Variants in PARD3 observed in about 807,000 individuals in gnomAD.
The protein encoded by PARD3 is par-3 family cell polarity regulator, also known as partitioning defective 3 homolog.
In PARD3, 75 loss-of-function variants were observed where a neutral mutation model predicts 155.4. The ratio of observed to expected loss-of-function variants is 0.48; its 90% CI spans 0.40 to 0.58. The LOEUF is 0.58. PARD3 is among the 20% of genes least tolerant of loss of function. PARD3 has a pLI of 0.00. For missense variants in PARD3, 1,642 were observed against 1,721.7 expected (o/e 0.95, Z 0.82); for synonymous variants, 576 against 610.5 (o/e 0.94, Z 0.83).
chr10:34,127,195 AT>A (rs1234571816), intron 23 of PARD3, among the ~76,000 whole-genome samples: 1 of 152,254 alleles, frequency 6.6e-6, no homozygotes, highest in African/African-American at 2.4e-5. Context: ...AAACATCTAG[AT>A]ACTAAGACGT....
intron 2 of PARD3, among the ~76,000 whole-genome samples, chr10:34,573,726 AACAAACAAAAACACACACACAC>A (rs1163373245): frequency 1.0e-5 from 1 of 97,660 alleles, no homozygotes; most frequent in African/African-American, 5.3e-5. Flanking sequence ...CAAACAAACA[AACAAACAAAAACACACACACAC>A]ACACACACAC....
chr10:34,473,750 G>C (rs1318113386), intron 3 of PARD3, among the ~76,000 whole-genome samples: 1 of 152,060 alleles, frequency 6.6e-6, no homozygotes, highest in Non-Finnish European at 1.5e-5. Context: ...CTGTTTCCGT[G>C]GTAATAACCT....
intron 5 of PARD3, among the ~76,000 whole-genome samples, chr10:34,408,680 T>C (rs893334859): frequency 3.9e-5 from 6 of 152,156 alleles, no homozygotes; most frequent in Middle Eastern, 6.8e-3. Context: ...AGAGAGGGGC[T>C]TCACAATACA....
chr10:34,788,165 C>G (rs1406847770), intron 1 of PARD3, among the ~76,000 whole-genome samples: 1 of 152,082 alleles, frequency 6.6e-6, no homozygotes, highest in Non-Finnish European at 1.5e-5. Context: ...AGGAAGTTAT[C>G]TAGACATCAG....
chr10:34,253,971 G>A (rs1405303845), intron 22 of PARD3, among the ~76,000 whole-genome samples: 2 of 152,166 alleles, frequency 1.3e-5, no homozygotes, highest in Non-Finnish European at 2.9e-5. Context: ...AAGTTACTCG[G>A]TGGGTACAGC....
At chr10:34,369,242 A>G (rs1840320178) in intron 12 of PARD3, among the ~76,000 whole-genome samples, 1 of 152,128 alleles carries the variant, frequency 6.6e-6, no homozygotes, top group Non-Finnish European at 1.5e-5. Context: ...ATGGCTTTGA[A>G]TGTGGCCCAA....
intron 12 of PARD3, among the ~76,000 whole-genome samples, chr10:34,362,649 A>T (rs1291520912): frequency 6.6e-6 from 1 of 152,106 alleles, no homozygotes; most frequent in Non-Finnish European, 1.5e-5. Flanking sequence ...GAACATGTCA[A>T]CAAACCGGGC....
chr10:34,159,067 C>T (rs186731323), intron 22 of PARD3, among the ~76,000 whole-genome samples: 7 of 152,208 alleles, frequency 4.6e-5, no homozygotes, highest in Admixed American at 6.5e-5. Context: ...AGAGATTCAA[C>T]TATGAAATGT....
chr10:34,450,458 A>C lies in PARD3; in HGVS notation c.583-10T>G. 1 of 1,601,186 alleles carries C rather than the reference A, an allele frequency of 6.2e-7. No individual in the cohort carries two copies. Among genetic ancestry groups the C allele is most frequent in the Non-Finnish European group, 8.5e-7 (1 of 1,176,734 alleles). On this transcript the variant is annotated splice_polypyrimidine_tract_variant and intron_variant, in intron 4 of 24. Coordinates refer to ENST00000374788, the MANE Select transcript of PARD3 (RefSeq NM_001184785.2). The stretch of plus-strand genomic sequence containing the variant: ...TGTAGTTTTCATCTTTCTATTCAAA[A>C]AGAAACAAAAAGGTGTCTTGTAAAA...
At chr10:34,810,021 G>A (rs1056865601) in intron 1 of PARD3, among the ~76,000 whole-genome samples, 1 of 145,942 alleles carries the variant, frequency 6.9e-6, no homozygotes, top group Admixed American at 6.9e-5. Flanking sequence ...GACTGTCATT[G>A]TTACTAATCA....
intron 2 of PARD3, among the ~76,000 whole-genome samples, chr10:34,601,397 C>T (rs986432732): frequency 7.9e-5 from 12 of 152,004 alleles, no homozygotes; most frequent in African/African-American, 2.9e-4. Context: ...GCTATAAGTG[C>T]GCCACTGCAC....
At chr10:34,304,856 TAC>T (rs1299533844) in intron 20 of PARD3, among the ~76,000 whole-genome samples, 1 of 152,232 alleles carries the variant, frequency 6.6e-6, no homozygotes, top group East Asian at 1.9e-4. Context: ...CAGTATTGGC[TAC>T]ATGAGAAATA....
intron 1 of PARD3, among the ~76,000 whole-genome samples, chr10:34,812,801 T>C (rs1363846677): frequency 2.0e-5 from 3 of 152,104 alleles, no homozygotes; most frequent in Non-Finnish European, 4.4e-5. Context: ...CTCCCTTCCT[T>C]CAGCTCATAG....
In PARD3 at chr10:34,360,181, A is replaced by C. The variant is rs1839307987; in HGVS notation, c.1786T>G (p.Ser596Ala). Residue 596 changes from serine to alanine, a missense_variant, in exon 13 of 25, where the codon TCA (serine) becomes GCA (alanine). Coordinates refer to ENST00000374788, the MANE Select transcript of PARD3 (RefSeq NM_001184785.2). ...FLTFEVPLNDSGSAGLGVSVK... is the reference protein window; with the variant it reads ...FLTFEVPLNDAGSAGLGVSVK... The stretch of plus-strand genomic sequence containing the variant: ...CTGACACCAAGGCCTGCAGATCCTG[A>C]ATCATTAAGTGGGACTTCAAATGTC... The C allele has an allele frequency of 1.2e-6, 2 of 1,613,784 alleles. No homozygotes were observed. Among genetic ancestry groups the C allele is most frequent in the Admixed American group, 1.7e-5 (1 of 60,004 alleles).
chr10:34,530,863 G>A (rs2082797980), intron 2 of PARD3, among the ~76,000 whole-genome samples: 2 of 152,212 alleles, frequency 1.3e-5, no homozygotes, highest in African/African-American at 2.4e-5. Context: ...GAGGCAACTA[G>A]ACTACTTCAA....
At chr10:34,280,895 A>G (rs1266262534) in intron 21 of PARD3, among the ~76,000 whole-genome samples, 3 of 152,218 alleles carry the variant, frequency 2.0e-5, no homozygotes, top group Non-Finnish European at 4.4e-5. Flanking sequence ...GAGAAATAAC[A>G]GAGTAGAAAG....
intron 1 of PARD3, among the ~76,000 whole-genome samples, chr10:34,705,007 T>C (rs1449765086): frequency 2.6e-5 from 4 of 152,216 alleles, no homozygotes; most frequent in African/African-American, 9.6e-5. Flanking sequence ...TGCTTCTCTC[T>C]AGATTCTCTG....
At chr10:34,301,286 G>C (rs1957134502) in intron 20 of PARD3, among the ~76,000 whole-genome samples, 1 of 152,158 alleles carries the variant, frequency 6.6e-6, no homozygotes, top group African/African-American at 2.4e-5. Context: ...ATCACTCCAT[G>C]TAGCCAAGAC....
chr10:34,349,442 G>GT (rs1212950469), intron 14 of PARD3, among the ~76,000 whole-genome samples: 14 of 151,210 alleles, frequency 9.3e-5, no homozygotes, highest in East Asian at 1.9e-4. Context: ...TGTTTCATTT[G>GT]TTTTTTTTAA....
Sources: gnomAD v4.1 joint callset for allele counts (sites outside exome capture counted in the v4.1 genomes callset) on GRCh38, gnomAD v4.1.1 for gene constraint, MANE v1.5 for transcripts, NCBI Gene and HGNC (gene_info 2026-07-23, HGNC 2026-07-21) for gene names.